PIK3C2G: variants seen among roughly 807,000 people sequenced by gnomAD.
PIK3C2G encodes phosphatidylinositol 3-kinase C2 domain-containing subunit gamma.
PIK3C2G carries 168 observed loss-of-function variants against 181.1 expected under a neutral mutation model. The observed-to-expected ratio is 0.93, with a 90% confidence interval of 0.82 to 1.05. The LOEUF (loss-of-function observed/expected upper bound fraction) is 1.05, where lower values mean the gene tolerates loss of function less well. PIK3C2G is among the 50% of genes least tolerant of loss of function. The pLI is 0.00. For missense variants in PIK3C2G, 1,869 were observed against 1,732.8 expected (o/e 1.08, Z -1.40); for synonymous variants, 573 against 592.2 (o/e 0.97, Z 0.47).
chr12:18,669,933 G>C, the PIK3C2G span, among the ~76,000 whole-genome samples: 1 of 152,080 alleles, frequency 6.6e-6, no homozygotes, highest in African/African-American at 2.4e-5. Context: ...CTCCCAAAGT[G>C]CTGGGACTAC....
chr12:18,487,095 T>TG lies in PIK3C2G; in HGVS notation c.2505-1354_2505-1353insG, dbSNP rs1411067147. Among the ~76,000 whole-genome samples the TG allele has an allele frequency of 1.1e-4, 15 of 132,186 alleles. No homozygotes were observed. The East Asian group carries it at 1.6e-3, about 14-fold the overall frequency. The allele number at this position is 132,186 out of a possible 152,430, so 86.7% of individuals were successfully genotyped here. ...ATACATCTTTAGTCCCTTGAGGTAT[T>TG]TTGTGTGTGTGTGTGTGTGTGTGTG... On this transcript the variant is annotated intron_variant, in intron 18 of 32. Transcript: ENST00000538779.
intron 13 of PIK3C2G, among the ~76,000 whole-genome samples, chr12:18,374,529 T>C (rs35562097): frequency 0.014 from 2,076 of 152,318 alleles, 22 homozygotes; most frequent in Non-Finnish European, 0.023. Flanking sequence ...GTTACCAGGC[T>C]ACTTAGAATA....
chr12:18,617,426 G>C (rs1490662930), intron 31 of PIK3C2G, among the ~76,000 whole-genome samples: 1 of 152,032 alleles, frequency 6.6e-6, no homozygotes, highest in Non-Finnish European at 1.5e-5. Context: ...TGTATGCCAA[G>C]AACTGTCACT....
chr12:18,370,699 C>T (rs1056669371), intron 12 of PIK3C2G, among the ~76,000 whole-genome samples: 4 of 152,144 alleles, frequency 2.6e-5, no homozygotes, highest in African/African-American at 9.7e-5. Context: ...CCACAATGAA[C>T]CATTCACCAT....
chr12:18,268,653 C>A (rs533538831), intron 1 of PIK3C2G, among the ~76,000 whole-genome samples: 1 of 152,240 alleles, frequency 6.6e-6, no homozygotes, highest in South Asian at 2.1e-4. Flanking sequence ...AATTCAGATA[C>A]TTGTTTTAAA....
In PIK3C2G at chr12:18,571,608, ATC is replaced by A. The variant is rs534157468; in HGVS notation, c.4011+4555_4011+4556del. Among the ~76,000 whole-genome samples, 69 of 150,822 alleles carry A rather than the reference ATC, an allele frequency of 4.6e-4. 1 individual carries two copies. The highest frequency in any genetic ancestry group is 6.8e-3 in the Middle Eastern group (2 of 294). The stretch of plus-strand genomic sequence containing the variant: ...TCACTAACGTTCACGTGTCTCTCCT[ATC>A]TCTAACGATGCCTTTTGTCTGAAAA... On this transcript the variant is annotated intron_variant, in intron 29 of 32. Coordinates refer to ENST00000538779, the MANE Select transcript of PIK3C2G (RefSeq NM_001288772.2).
intron 14 of PIK3C2G, among the ~76,000 whole-genome samples, chr12:18,389,011 C>T (rs979077290): frequency 5.3e-5 from 8 of 152,072 alleles, no homozygotes; most frequent in South Asian, 2.1e-4. Flanking sequence ...GATGTCATGG[C>T]GCATGCAATG....
chr12:18,369,226 A>T (rs1298511246), intron 12 of PIK3C2G, among the ~76,000 whole-genome samples: 2 of 152,028 alleles, frequency 1.3e-5, no homozygotes, highest in Non-Finnish European at 2.9e-5. Flanking sequence ...TTCATCTGTG[A>T]TTTATCTCCC....
At chr12:18,523,009 C>G (rs755624853) in intron 24 of PIK3C2G, among the ~76,000 whole-genome samples, 1 of 151,716 alleles carries the variant, frequency 6.6e-6, no homozygotes, top group Non-Finnish European at 1.5e-5. Flanking sequence ...TTCTTTTGCT[C>G]GATCATGTCT....
the PIK3C2G span, among the ~76,000 whole-genome samples, chr12:18,659,748 C>T: frequency 6.5e-4 from 97 of 149,034 alleles, no homozygotes; most frequent in East Asian, 0.011. Flanking sequence ...TATGTATACA[C>T]GTGCCATATT....
chr12:18,475,853 T>C (rs567476677), intron 18 of PIK3C2G, among the ~76,000 whole-genome samples: 1 of 152,244 alleles, frequency 6.6e-6, no homozygotes, highest in South Asian at 2.1e-4. Context: ...ATTACTAGGT[T>C]AGTTTGGGCT....
the PIK3C2G span, among the ~76,000 whole-genome samples, chr12:18,658,342 C>T: frequency 6.6e-6 from 1 of 152,130 alleles, no homozygotes; most frequent in Non-Finnish European, 1.5e-5. Context: ...AGAGGCTCAA[C>T]AAACTCTAAG....
the PIK3C2G span, chr12:18,700,081 T>C: frequency 1.4e-6 from 1 of 731,790 alleles, no homozygotes; most frequent in Non-Finnish European, 2.3e-6. Context: ...TCAAACACCA[T>C]TTGATTAACT....
chr12:18,265,048 C>G (rs899068063), intron 1 of PIK3C2G, among the ~76,000 whole-genome samples: 1 of 152,154 alleles, frequency 6.6e-6, no homozygotes, highest in Non-Finnish European at 1.5e-5. Context: ...ATTTTATAAG[C>G]ATCAGCTTGA....
the PIK3C2G span, chr12:18,687,993 A>G: frequency 2.0e-6 from 3 of 1,510,504 alleles, no homozygotes; most frequent in Non-Finnish European, 9.0e-7. Flanking sequence ...TGTCTTATGA[A>G]TAATAAATAT....
chr12:18,350,462 G>A (rs937953824), intron 11 of PIK3C2G, among the ~76,000 whole-genome samples: 2 of 152,096 alleles, frequency 1.3e-5, no homozygotes, highest in Admixed American at 6.6e-5. Context: ...TCAATTATGG[G>A]ATACTGTGTG....
the PIK3C2G span, chr12:18,695,169 C>A: frequency 7.8e-7 from 1 of 1,274,960 alleles, no homozygotes. Flanking sequence ...ATAATGGATT[C>A]TATGTCCCCA....
intron 4 of PIK3C2G, 34 bp downstream of exon 4, chr12:18,291,046 T>TA: frequency 7.0e-7 from 1 of 1,429,182 alleles, no homozygotes; most frequent in South Asian, 1.2e-5. Context: ...TACAAATCTA[T>TA]ACAAAGCTGG....
intron 30 of PIK3C2G, 118 bp from the exon 31 acceptor site, chr12:18,609,417 C>A: frequency 1.6e-6 from 1 of 618,976 alleles, no homozygotes; most frequent in Non-Finnish European, 2.9e-6. Flanking sequence ...TCAACATTAT[C>A]TGAAGAATGT....
Sources: allele counts gnomAD v4.1 joint callset (sites outside exome capture counted in the v4.1 genomes callset), GRCh38; gene constraint gnomAD v4.1.1; transcripts MANE v1.5; gene names NCBI Gene and HGNC (gene_info 2026-07-23, HGNC 2026-07-21).